Variants in ITPR2 observed in about 807,000 individuals in gnomAD.
ITPR2 encodes the protein inositol 1,4,5-trisphosphate-gated calcium channel ITPR2.
A neutral mutation model predicts 317.1 loss-of-function variants in ITPR2; 207 were observed. The observed-to-expected ratio is 0.65, with a 90% confidence interval of 0.58 to 0.73. The LOEUF (loss-of-function observed/expected upper bound fraction) is 0.73, where lower values mean the gene tolerates loss of function less well. ITPR2 is among the 30% of genes least tolerant of loss of function. ITPR2 has a pLI of 0.00. For synonymous variants in ITPR2, 1,156 were observed against 1,149.1 expected (o/e 1.01, Z -0.12); for missense variants, 2,613 against 3,284.0 (o/e 0.80, Z 4.99).
intron 39 of ITPR2, among the ~76,000 whole-genome samples, chr12:26,492,923 A>G (rs147339001): frequency 0.52 from 58,151 of 110,816 alleles, 11,983 homozygotes; most frequent in Non-Finnish European, 0.62. Flanking sequence ...GTGTGTGTAT[A>G]TATATATATA....
chr12:26,505,805 A>C (rs1422904857), intron 37 of ITPR2, among the ~76,000 whole-genome samples: 3 of 152,164 alleles, frequency 2.0e-5, no homozygotes, highest in Non-Finnish European at 4.4e-5. Flanking sequence ...ATTTTGAATG[A>C]GAGATCACTC....
At chr12:26,527,313 T>C (rs575362915) in intron 37 of ITPR2, among the ~76,000 whole-genome samples, 27 of 152,234 alleles carry the variant, frequency 1.8e-4, no homozygotes, top group Non-Finnish European at 7.3e-5. Flanking sequence ...AGACTTGGCA[T>C]TGCACTTTGT....
chr12:26,587,025 A>G (rs1259361300), intron 32 of ITPR2, among the ~76,000 whole-genome samples: 4 of 151,518 alleles, frequency 2.6e-5, no homozygotes, highest in Non-Finnish European at 5.9e-5. Flanking sequence ...ATATTAATAT[A>G]TTATATATGC....
At chr12:26,436,085 T>G (rs1941342828) in intron 48 of ITPR2, 136 bp downstream of exon 48, 2 of 796,378 alleles carry the variant, frequency 2.5e-6, no homozygotes, top group Non-Finnish European at 3.7e-6. Flanking sequence ...GCCTGTTCTA[T>G]TTACTATCAT....
intron 37 of ITPR2, among the ~76,000 whole-genome samples, chr12:26,546,740 G>C (rs1378917238): frequency 6.6e-6 from 1 of 151,188 alleles, no homozygotes; most frequent in Non-Finnish European, 1.5e-5. Flanking sequence ...AAGAATTCAG[G>C]AACAAAGCCA....
chr12:26,487,508 AT>A (rs1222427320), intron 39 of ITPR2, among the ~76,000 whole-genome samples: 1 of 152,206 alleles, frequency 6.6e-6, no homozygotes, highest in African/African-American at 2.4e-5. Flanking sequence ...CTGGTTATAT[AT>A]TTTTAAAAAC....
In ITPR2 at chr12:26,336,829, G is replaced by C. The variant is rs751543154; in HGVS notation, c.*2568C>G. 9.2e-5 allele frequency: 14 copies of C among 152,050 alleles called. No individual in the cohort carries two copies. The highest frequency in any genetic ancestry group is 1.8e-4 in the Non-Finnish European group (12 of 67,976). 9.4% of individuals were successfully genotyped at this position (152,050 alleles called of 1,614,324 possible). On this transcript the variant is annotated 3_prime_UTR_variant, in exon 57 of 57. Transcript: ENST00000381340. ...AGGATGTTAACTGATACTCACCTAA[G>C]TCAAATATTCCAGTTGCATTAACAA...
At chr12:26,367,894 G>C (rs1385197951) in intron 55 of ITPR2, among the ~76,000 whole-genome samples, 1 of 152,098 alleles carries the variant, frequency 6.6e-6, no homozygotes, top group African/African-American at 2.4e-5. Flanking sequence ...TACTTCATTG[G>C]AGAAAGAGAT....
intron 2 of ITPR2, among the ~76,000 whole-genome samples, chr12:26,779,589 G>C (rs772150300): frequency 1.2e-4 from 19 of 152,156 alleles, no homozygotes; most frequent in Non-Finnish European, 2.2e-4. Context: ...CCTATGATCA[G>C]CTGACAAAGG....
chr12:26,716,209 C>T lies in ITPR2; in HGVS notation c.559G>A (p.Val187Met). Residue 187 changes from valine (V) to methionine (M), a missense_variant, in exon 6 of 57, where the codon GTG (valine) becomes ATG (methionine). Physicochemically the swap from Val to Met is conservative, Grantham distance 21 (BLOSUM62 1). Coordinates refer to ENST00000381340, the MANE Select transcript of ITPR2 (RefSeq NM_002223.4). ...GCATGTAGTGGCTGCCCTGCATTCACAGGCATCAAAACAACTTTATCTCCT... is the reference window on the plus strand; with the variant it reads ...GCATGTAGTGGCTGCCCTGCATTCATAGGCATCAAAACAACTTTATCTCCT... ...VVGDKVVLMPVNAGQPLHASN... is the reference protein window; with the variant it reads ...VVGDKVVLMPMNAGQPLHASN... The T allele has an allele frequency of 6.2e-7, 1 of 1,613,166 alleles. No individual in the cohort carries two copies. The highest frequency in any genetic ancestry group is 1.1e-5 in the South Asian group (1 of 91,050).
chr12:26,805,954 C>T (rs529299841), intron 1 of ITPR2, among the ~76,000 whole-genome samples: 25 of 152,068 alleles, frequency 1.6e-4, no homozygotes, highest in Non-Finnish European at 3.1e-4. Flanking sequence ...TGGTTTATTT[C>T]TAAAAAGATC....
At chr12:26,687,660 C>T (rs1948154670) in intron 10 of ITPR2, among the ~76,000 whole-genome samples, 1 of 152,154 alleles carries the variant, frequency 6.6e-6, no homozygotes, top group African/African-American at 2.4e-5. Context: ...ATCAAAAAGC[C>T]TTGCTTTTTG....
At chr12:26,595,404 G>A in intron 32 of ITPR2, 61 bp downstream of exon 32, 1 of 1,495,850 alleles carries the variant, frequency 6.7e-7, no homozygotes. Context: ...TCATCCAGAT[G>A]CTTAATACTA....
At chr12:26,480,652 C>T (rs1421051168) in intron 43 of ITPR2, among the ~76,000 whole-genome samples, 1 of 151,970 alleles carries the variant, frequency 6.6e-6, no homozygotes, top group Non-Finnish European at 1.5e-5. Context: ...CCAGCCTGGC[C>T]AACACAGTGA....
At chr12:26,516,983 A>G (rs930945319) in intron 37 of ITPR2, among the ~76,000 whole-genome samples, 1 of 152,166 alleles carries the variant, frequency 6.6e-6, no homozygotes, top group Non-Finnish European at 1.5e-5. Context: ...ATAGTTTTAA[A>G]ATATATAATG....
At chr12:26,781,671 G>C (rs1950079525) in intron 2 of ITPR2, among the ~76,000 whole-genome samples, 2 of 152,048 alleles carry the variant, frequency 1.3e-5, no homozygotes, top group Admixed American at 1.3e-4. Context: ...TTGGATTAAA[G>C]TGATCAACTT....
intron 21 of ITPR2, among the ~76,000 whole-genome samples, chr12:26,635,984 T>C (rs1347134891): frequency 1.3e-5 from 2 of 152,224 alleles, no homozygotes; most frequent in East Asian, 1.9e-4. Flanking sequence ...AAGATCAAGA[T>C]TAAACAGCCA....
intron 45 of ITPR2, among the ~76,000 whole-genome samples, chr12:26,471,560 T>A (rs1244549968): frequency 6.6e-6 from 1 of 152,144 alleles, no homozygotes; most frequent in Non-Finnish European, 1.5e-5. Context: ...ACAAGACACT[T>A]ACAAGAAGCA....
rs534315334 is a variant in ITPR2, at chr12:26,418,975, A to G, written c.7110+74T>C. 2.4e-4 allele frequency: 306 copies of G among 1,296,936 alleles called. No homozygotes were observed. The African/African-American group carries it at 3.2e-3, about 14-fold the overall frequency. 80.3% of individuals were successfully genotyped at this position (1,296,936 alleles called of 1,614,324 possible). A position where few individuals can be genotyped will look rare whatever the true frequency, so the allele number is the denominator to read the frequency against. On this transcript the variant is annotated intron_variant, in intron 50 of 56. Transcript: ENST00000381340. ...CAGGCTTTGCTTAAAAAAAAAAATCAAAGGAAGAGGCATAAGAAGCAGCAG... is the reference window on the plus strand; with the variant it reads ...CAGGCTTTGCTTAAAAAAAAAAATCGAAGGAAGAGGCATAAGAAGCAGCAG...
Sources: allele counts gnomAD v4.1 joint callset (sites outside exome capture counted in the v4.1 genomes callset), GRCh38; gene constraint gnomAD v4.1.1; transcripts MANE v1.5; gene names NCBI Gene and HGNC (gene_info 2026-07-23, HGNC 2026-07-21).